The following POMT1 variants were observed in gnomAD, a reference collection of about 807,000 sequenced individuals.
POMT1 encodes the protein protein O-mannosyl-transferase 1.
Under a neutral mutation model 101.6 loss-of-function variants are expected in POMT1, and 85 were observed. The ratio of observed to expected loss-of-function variants is 0.84; its 90% confidence interval spans 0.70 to 1.00. POMT1 has a LOEUF of 1.00. POMT1 is among the 50% of genes least tolerant of loss of function. The pLI, the probability that POMT1 is intolerant of heterozygous loss-of-function variation, is 0.00. For missense variants in POMT1, 857 were observed against 930.4 expected (o/e 0.92, Z 1.03); for synonymous variants, 371 against 383.0 (o/e 0.97, Z 0.37).
intron 9 of POMT1, chr9:131,510,981 C>CTTACG: frequency 7.2e-6 from 2 of 275,904 alleles, no homozygotes; most frequent in South Asian, 4.4e-5. Flanking sequence ...ACGGCCAGTG[C>CTTACG]TGTAGTGCTG....
intron 17 of POMT1, 152 bp downstream of exon 17, chr9:131,520,345 C>T (rs1239669435): frequency 1.3e-6 from 1 of 743,934 alleles, no homozygotes; most frequent in Non-Finnish European, 2.3e-6. Flanking sequence ...TCTCTAAACG[C>T]TTTGGCAACC....
chr9:131,504,118 G>T, intron 1 of POMT1, 71 bp from the exon 2 acceptor site: 1 of 1,573,674 alleles, frequency 6.4e-7, no homozygotes, highest in Non-Finnish European at 8.7e-7. Flanking sequence ...TCCGGGAGCC[G>T]GGTGGCTGGG....
intron 2 of POMT1, among the ~76,000 whole-genome samples, chr9:131,505,055 C>T (rs904310874): frequency 6.8e-5 from 10 of 147,876 alleles, no homozygotes; most frequent in Non-Finnish European, 1.3e-4. Flanking sequence ...GGATTACAGG[C>T]GTGAGCCACT....
At position 131,522,049 on chromosome 9, in the gene POMT1, G is replaced by A. The variant is rs773190071; in HGVS notation, c.1828G>A (p.Ala610Thr). The A allele has an allele frequency of 3.7e-6, 6 of 1,613,752 alleles. No homozygotes were observed. In the African/African-American group the frequency reaches 8.0e-5, roughly 22 times the overall value. The part of the protein sequence containing the change: ...RRNVHDLPQD[A>T]WLRWVLAGAL... ...GTAGCTCGAGCCCTTTCCTATAGAT[G>A]CCTGGCTGCGCTGGGTGCTGGCTGG... The change falls in exon 19 of 20, where the codon GCC (alanine) becomes ACC (threonine). Residue 610 changes from alanine to threonine, a missense_variant and splice_region_variant. Ala to Thr is a moderately conservative substitution (Grantham distance 58, BLOSUM62 0). Transcript: ENST00000402686. The surrounding 1 kb of genome is among the most constrained non-coding windows in gnomAD (Gnocchi z 5.5).
chr9:131,520,299 C>T, intron 17 of POMT1, 106 bp downstream of exon 17: 1 of 1,040,102 alleles, frequency 9.6e-7, no homozygotes, highest in Middle Eastern at 2.0e-4. Context: ...TGGGTTTCTC[C>T]CAAGCTTTTC....
At position 131,522,300 on chromosome 9, in the gene POMT1, G is replaced by A; in HGVS notation, c.2003+76G>A. On this transcript the variant is annotated intron_variant, in intron 19 of 19. Coordinates refer to ENST00000402686, the MANE Select transcript of POMT1 (RefSeq NM_001077365.2). The surrounding 1 kb of genome is among the most constrained non-coding windows in gnomAD (Gnocchi z 5.5). ...GGAAGCCCATGCGCAGCAAACACATGGGGTGCAGCGAACCTCACCCATTTC... is the reference window on the plus strand; with the variant it reads ...GGAAGCCCATGCGCAGCAAACACATAGGGTGCAGCGAACCTCACCCATTTC... 1 of 1,595,626 alleles carries A rather than the reference G, an allele frequency of 6.3e-7. No individual in the cohort carries two copies. The highest frequency in any genetic ancestry group is 8.5e-7 in the Non-Finnish European group (1 of 1,175,948).
intron 12 of POMT1, among the ~76,000 whole-genome samples, chr9:131,514,141 G>A (rs1416415458): frequency 6.6e-6 from 1 of 152,152 alleles, no homozygotes; most frequent in Non-Finnish European, 1.5e-5. Flanking sequence ...ACCAGCCCTG[G>A]GTAGGGGTCC....
At chr9:131,517,358 T>A (rs1588455703) in intron 13 of POMT1, among the ~76,000 whole-genome samples, 1 of 152,290 alleles carries the variant, frequency 6.6e-6, no homozygotes, top group African/African-American at 2.4e-5. Flanking sequence ...TGCCTCTTGG[T>A]ATTACAGGTT....
At chr9:131,510,439 G>C in intron 9 of POMT1, 24 bp downstream of exon 9, 1 of 1,608,446 alleles carries the variant, frequency 6.2e-7, no homozygotes, top group Non-Finnish European at 8.5e-7. Flanking sequence ...GGGCATCGTG[G>C]CCACTGGAGA....
At position 131,515,115 on chromosome 9, in the gene POMT1, A is replaced by G. The variant is rs77325314; in HGVS notation, c.1176-311A>G. On this transcript the variant is annotated intron_variant, in intron 12 of 19. Coordinates refer to ENST00000402686, the MANE Select transcript of POMT1 (RefSeq NM_001077365.2). ...CCAGCTGGCATCGCAGCAGTACCGG[A>G]TCGGGCCTGGGCGCACGGTTCCTTC... 9.5e-3 allele frequency among the ~76,000 whole-genome samples: 1,447 copies of G among 152,326 alleles called. 28 individuals are homozygous for G. Among genetic ancestry groups the G allele is most frequent in the African/African-American group, 0.033 (1,369 of 41,564 alleles).
chr9:131,511,555 G>A, intron 10 of POMT1, 88 bp downstream of exon 10: 1 of 1,567,612 alleles, frequency 6.4e-7, no homozygotes, highest in Admixed American at 1.7e-5. Flanking sequence ...TTTCTTTGAG[G>A]AAGTTTGTTT....
rs1554772428 is a variant in POMT1 at position 131,507,372 on chromosome 9, C to T, written c.285C>T (p.Tyr95=). 6.2e-7 allele frequency: 1 copy of T among 1,614,194 alleles called. No homozygotes were observed. Among genetic ancestry groups the T allele is most frequent in the South Asian group, 1.1e-5 (1 of 91,078 alleles). The change falls in exon 5 of 20, where the codon TAC becomes TAT. Residue 95 remains tyrosine (Y), a synonymous_variant. Transcript: ENST00000402686. ...NFLWNRIGAE[Y]SSNVPVWSLR... is the part of the protein sequence containing the mutation. ...GCAGTGTGGTTGCTTTTCCAGAATACAGTAGCAACGTGCCTGTGTGGTCCC... is the reference window on the plus strand; with the variant it reads ...GCAGTGTGGTTGCTTTTCCAGAATATAGTAGCAACGTGCCTGTGTGGTCCC...
chr9:131,512,589 C>G (rs1050639872), intron 11 of POMT1, among the ~76,000 whole-genome samples: 1 of 152,128 alleles, frequency 6.6e-6, no homozygotes, highest in African/African-American at 2.4e-5. Context: ...GCACCTGCAG[C>G]CCGAGTGGGC....
intron 6 of POMT1, 91 bp from the exon 7 acceptor site, chr9:131,509,651 GA>G: frequency 6.2e-7 from 1 of 1,611,708 alleles, no homozygotes. Flanking sequence ...AGCCGACCCA[GA>G]AAGATTTCTC....
chr9:131,504,575 G>T (rs1025985393), intron 2 of POMT1, among the ~76,000 whole-genome samples: 1 of 152,154 alleles, frequency 6.6e-6, no homozygotes, highest in African/African-American at 2.4e-5. Flanking sequence ...AAGGGGTGCA[G>T]TAGAGGAAAA....
At chr9:131,517,143 C>T (rs1022340088) in intron 13 of POMT1, among the ~76,000 whole-genome samples, 1 of 152,240 alleles carries the variant, frequency 6.6e-6, no homozygotes, top group Non-Finnish European at 1.5e-5. Context: ...GCGCTTTCTG[C>T]CTACGCAGGC....
chr9:131,509,713 C>T (rs780848683), intron 6 of POMT1, 30 bp from the exon 7 acceptor site: 1 of 1,614,202 alleles, frequency 6.2e-7, no homozygotes, highest in Non-Finnish European at 8.5e-7. Flanking sequence ...TGAACTATTT[C>T]TGTCTCCATC....
At chr9:131,510,902 G>A (rs530725400) in intron 9 of POMT1, 21 of 306,668 alleles carry the variant, frequency 6.8e-5, no homozygotes, top group African/African-American at 4.1e-4. Context: ...TATGAACCTC[G>A]CAGCAGTGGT....
At position 131,522,125 on chromosome 9, in the gene POMT1, T is replaced by A; in HGVS notation, c.1904T>A (p.Met635Lys). Residue 635 changes from methionine to lysine, a missense_variant, in exon 19 of 20, where the codon ATG (methionine) becomes AAG (lysine). Physicochemically the swap from Met to Lys is moderately conservative, Grantham distance 95 (BLOSUM62 -1). Transcript: ENST00000402686. This position sits in a 1 kb window ranked among gnomAD's most constrained non-coding sequence, Gnocchi z 5.5. ...GTGAACTACCTCCCGTTCTTCCTGA[T>A]GGAGAAGACACTCTTCCTCTACCAC... is the stretch of plus-strand genomic sequence containing the variant. ...WAVNYLPFFLMEKTLFLYHYL... is the reference protein window; with the variant it reads ...WAVNYLPFFLKEKTLFLYHYL... 1 of 1,614,084 alleles carries A rather than the reference T, an allele frequency of 6.2e-7. No homozygotes were observed. The highest frequency in any genetic ancestry group is 8.5e-7 in the Non-Finnish European group (1 of 1,180,024).
Sources: gnomAD v4.1 joint callset for allele counts (sites outside exome capture counted in the v4.1 genomes callset) on GRCh38, gnomAD v4.1.1 for gene constraint, Gnocchi (gnomAD v3.1) non-coding constraint, MANE v1.5 for transcripts, NCBI Gene and HGNC (gene_info 2026-07-23, HGNC 2026-07-21) for gene names.